TUT7: variants seen among roughly 807,000 people sequenced by gnomAD.
TUT7 encodes the protein terminal uridylyltransferase 7.
Under a neutral mutation model 165.9 loss-of-function variants are expected in TUT7, and 33 were observed. The ratio of observed to expected loss-of-function variants is 0.20; its 90% CI spans 0.15 to 0.27. The LOEUF (loss-of-function observed/expected upper bound fraction) is 0.27, where lower values mean the gene tolerates loss of function less well. Ranked by LOEUF, TUT7 falls within the 10% of genes least tolerant of loss-of-function variation. TUT7 has a pLI of 1.00. For synonymous variants in TUT7, 552 were observed against 608.1 expected (o/e 0.91, Z 1.36); for missense variants, 1,338 against 1,762.3 (o/e 0.76, Z 4.31).
At chr9:86,331,282 T>C (rs1830291192) in intron 10 of TUT7, among the ~76,000 whole-genome samples, 2 of 152,134 alleles carry the variant, frequency 1.3e-5, no homozygotes, top group Admixed American at 1.3e-4. Flanking sequence ...ATGTAGTATA[T>C]CTTGATGAAT....
chr9:86,289,615 C>G (rs997778037), intron 26 of TUT7, among the ~76,000 whole-genome samples: 6 of 151,830 alleles, frequency 4.0e-5, no homozygotes, highest in African/African-American at 1.5e-4. Flanking sequence ...CCTAAGCACA[C>G]TACCATACTT....
intron 10 of TUT7, among the ~76,000 whole-genome samples, chr9:86,334,148 T>C (rs1041419178): frequency 3.3e-5 from 5 of 152,012 alleles, no homozygotes; most frequent in Admixed American, 1.3e-4. Context: ...TGGAGCTAGG[T>C]ACCTCCCTTC....
chr9:86,334,869 T>C (rs909473305), intron 10 of TUT7, among the ~76,000 whole-genome samples: 11 of 152,144 alleles, frequency 7.2e-5, no homozygotes, highest in Non-Finnish European at 1.2e-4. Context: ...AGAGTTGCCT[T>C]TAGGGGTAGA....
rs1326586216 is a variant in TUT7 at position 86,322,932 on chromosome 9, G to A, written c.2818C>T (p.Pro940Ser). 5 of 1,563,788 alleles carry A rather than the reference G, an allele frequency of 3.2e-6. No individual in the cohort carries two copies. The highest frequency in any genetic ancestry group is 3.6e-5 in the Admixed American group (2 of 55,144). ...EENVCEEKNSPVDQSDFFYEF... is the reference protein window; with the variant it reads ...EENVCEEKNSSVDQSDFFYEF... ...TAAAAAAAATCAGACTGATCCACAGGTGAATTTTTTTCTTCACATACATTT... is the reference window on the plus strand; with the variant it reads ...TAAAAAAAATCAGACTGATCCACAGATGAATTTTTTTCTTCACATACATTT... Residue 940 changes from proline (P) to serine (S), a missense_variant, in exon 13 of 27, where the codon CCT becomes TCT. Coordinates refer to ENST00000375963, the MANE Select transcript of TUT7 (RefSeq NM_024617.4).
chr9:86,306,384 G>T (rs574969661), intron 22 of TUT7, among the ~76,000 whole-genome samples: 133 of 152,292 alleles, frequency 8.7e-4, no homozygotes, highest in Admixed American at 1.6e-3. Context: ...AGTAATTATT[G>T]CTATGAGAAG....
chr9:86,339,055 T>A, intron 8 of TUT7, 106 bp from the exon 9 acceptor site: 1 of 1,027,126 alleles, frequency 9.7e-7, no homozygotes, highest in Non-Finnish European at 1.3e-6. Flanking sequence ...GCATAATAAA[T>A]ACTTCAAAAA....
In TUT7 at chr9:86,311,264, T is replaced by TA. The variant is rs1434453260; in HGVS notation, c.3275-456dup. On this transcript the variant is annotated intron_variant, in intron 17 of 26. Transcript: ENST00000375963. The surrounding 1 kb of genome is among the most constrained non-coding windows in gnomAD (Gnocchi z 4.4). ...AGTTACTCACCTTAAAGCTAGAAGT[T>TA]ATGAAGTTAATAGGAATTAACTTCA... Among the ~76,000 whole-genome samples, 2 of 152,188 alleles carry TA rather than the reference T, an allele frequency of 1.3e-5. No homozygotes were observed. The highest frequency in any genetic ancestry group is 2.9e-5 in the Non-Finnish European group (2 of 68,040).
At chr9:86,354,063 T>C (rs868053321) in intron 1 of TUT7, among the ~76,000 whole-genome samples, 5 of 152,216 alleles carry the variant, frequency 3.3e-5, no homozygotes, top group African/African-American at 1.2e-4. Context: ...GGAAGTGACC[T>C]GCTGTCTCCA....
chr9:86,334,866 C>G lies in TUT7; in HGVS notation c.1455+2553G>C, dbSNP rs557055835. Among the ~76,000 whole-genome samples, 7 of 152,196 alleles carry G rather than the reference C, an allele frequency of 4.6e-5. No homozygotes were observed. In the East Asian group the frequency reaches 1.4e-3, roughly 29 times the overall value. The stretch of plus-strand genomic sequence containing the variant: ...TGATTTTTGTCTTAAATCAGAGTTG[C>G]CTTTAGGGGTAGAGCTACAGAAAAA... On this transcript the variant is annotated intron_variant, in intron 10 of 26. Transcript: ENST00000375963.
intron 17 of TUT7, among the ~76,000 whole-genome samples, chr9:86,313,126 TAATA>T (rs111966143): frequency 0.38 from 53,768 of 142,346 alleles, 10,502 homozygotes; most frequent in Non-Finnish European, 0.42. Flanking sequence ...GAATGATCAA[TAATA>T]AATAAATAAA....
rs745612057 is a variant in TUT7, at chr9:86,345,767, T to G, written c.721A>C (p.Thr241Pro). Residue 241 changes from threonine to proline, a missense_variant, in exon 4 of 27, where the codon ACA becomes CCA. Transcript: ENST00000375963. ...RLKRRPRNYP[T>P]AKYTCRLCDV... ...CAGAGTCTGCAGGTGTACTTTGCTG[T>G]AGGGTAGTTTCGTGGTCGCTATAAT... 6.2e-7 allele frequency: 1 copy of G among 1,612,660 alleles called. No individual in the cohort carries two copies. Among genetic ancestry groups the G allele is most frequent in the Non-Finnish European group, 8.5e-7 (1 of 1,179,250 alleles).
At position 86,323,287 on chromosome 9, in the gene TUT7, C is replaced by T; in HGVS notation, c.2463G>A (p.Glu821=). ...AGTGGTTTAGAGAGTCTTCTAGTTC[C>T]TCAGTACCTTCTGTACTTTCTCCAT... ...DLDGESTEGT[E]ELEDSLNHFT... is the part of the protein sequence containing the mutation. Residue 821 remains glutamate, a synonymous_variant, in exon 13 of 27, where the codon GAG becomes GAA. Transcript: ENST00000375963. The T allele has an allele frequency of 6.2e-7, 1 of 1,614,170 alleles. No homozygotes were observed. Among genetic ancestry groups the T allele is most frequent in the Non-Finnish European group, 8.5e-7 (1 of 1,180,034 alleles).
chr9:86,342,968 A>G, intron 6 of TUT7, 107 bp downstream of exon 6: 1 of 793,014 alleles, frequency 1.3e-6, no homozygotes, highest in Non-Finnish European at 2.0e-6. Flanking sequence ...CTGTCATTAC[A>G]CTTAAAATAT....
At chr9:86,348,361 TC>T (rs1286164631) in intron 2 of TUT7, among the ~76,000 whole-genome samples, 1 of 152,144 alleles carries the variant, frequency 6.6e-6, no homozygotes, top group East Asian at 1.9e-4. Context: ...GCTAATACTG[TC>T]CCCATTGTAC....
chr9:86,303,453 G>A (rs986354606), intron 24 of TUT7, among the ~76,000 whole-genome samples: 1 of 152,096 alleles, frequency 6.6e-6, no homozygotes, highest in African/African-American at 2.4e-5. Context: ...AACCCTAAAG[G>A]TTTAAGCACA....
intron 26 of TUT7, among the ~76,000 whole-genome samples, chr9:86,291,481 A>G (rs796230431): frequency 6.6e-6 from 1 of 151,076 alleles, no homozygotes; most frequent in South Asian, 2.1e-4. Flanking sequence ...AGGAGGCAGG[A>G]GAATCGCTTG....
intron 8 of TUT7, among the ~76,000 whole-genome samples, chr9:86,339,689 A>G (rs1017023840): frequency 6.6e-6 from 1 of 152,202 alleles, no homozygotes; most frequent in Non-Finnish European, 1.5e-5. Context: ...TAAACCAGAG[A>G]GGTCACACTG....
Position 86,325,498 on chromosome 9 carries a change from T to C in TUT7, c.1625A>G (p.Asp542Gly). 1.2e-6 allele frequency: 2 copies of C among 1,613,626 alleles called. No homozygotes were observed. The highest frequency in any genetic ancestry group is 1.7e-6 in the Non-Finnish European group (2 of 1,179,762). Residue 542 changes from aspartate (D) to glycine (G), a missense_variant, in exon 12 of 27, where the codon GAT becomes GGT. Physicochemically the swap from Asp to Gly is moderately conservative, Grantham distance 94 (BLOSUM62 -1). Transcript: ENST00000375963. Reference protein sequence around the residue: ...IKRGQVSLILDVKHQPSVPVG... With the variant: ...IKRGQVSLILGVKHQPSVPVG... ...TGGTACTGAAGGCTGGTGTTTCACA[T>C]CCAATATTAATGACACCTATTAATA...
At chr9:86,320,794 G>A (rs372484611) in intron 14 of TUT7, among the ~76,000 whole-genome samples, 19 of 152,056 alleles carry the variant, frequency 1.2e-4, no homozygotes, top group Non-Finnish European at 2.2e-4. Flanking sequence ...CTCTTCCAAC[G>A]ATTTTGGGAA....
Sources: gnomAD v4.1 joint callset for allele counts (sites outside exome capture counted in the v4.1 genomes callset) on GRCh38, gnomAD v4.1.1 for gene constraint, Gnocchi (gnomAD v3.1) non-coding constraint, MANE v1.5 for transcripts, NCBI Gene and HGNC (gene_info 2026-07-23, HGNC 2026-07-21) for gene names.